ANKRD36: variants seen among roughly 807,000 people sequenced by gnomAD.
ANKRD36 encodes ankyrin repeat domain 36.
ANKRD36 carries 179 observed loss-of-function variants against 278.1 expected under a neutral mutation model. The ratio of observed to expected loss-of-function variants is 0.64; its 90% CI spans 0.57 to 0.73. The LOEUF (loss-of-function observed/expected upper bound fraction) is 0.73, where lower values mean the gene tolerates loss of function less well. Among genes scored for constraint, ANKRD36 ranks in the 30% least tolerant of loss-of-function variants. The pLI is 0.00. For synonymous variants in ANKRD36, 320 were observed against 641.1 expected, an observed-to-expected ratio of 0.50 and a Z score of 7.57; for missense variants, 1,159 against 1,956.7, an observed-to-expected ratio of 0.59 and a Z score of 7.69.
At position 97,124,576 on chromosome 2, in the gene ANKRD36, C is replaced by A; in HGVS notation, c.710C>A (p.Ala237Asp). 1 of 1,552,144 alleles carries A rather than the reference C, an allele frequency of 6.4e-7. No individual in the cohort carries two copies. Among genetic ancestry groups the A allele is most frequent in the Non-Finnish European group, 8.7e-7 (1 of 1,146,938 alleles). ...DAFRKIAGDYAIEAKNRVIFD... is the reference protein window; with the variant it reads ...DAFRKIAGDYDIEAKNRVIFD... ...TTTCGAAAGATTGCAGGAGATTATG[C>A]CATTGAGGCTAAGAATAGAGTGTAA... Residue 237 changes from alanine (A) to aspartate (D), a missense_variant, in exon 5 of 76, where the codon GCC (alanine) becomes GAC (aspartate). By Grantham distance (126) the Ala-to-Asp change is moderately radical (BLOSUM62 -2). Transcript: ENST00000420699.
At position 97,154,345 on chromosome 2, in the gene ANKRD36, AG is replaced by A. The variant is rs1368213838; in HGVS notation, c.1194-327del. Among the ~76,000 whole-genome samples the A allele has an allele frequency of 7.4e-5, 11 of 149,226 alleles. No homozygotes were observed. The South Asian group carries it at 2.3e-3, about 31-fold the overall frequency. On this transcript the variant is annotated intron_variant, in intron 14 of 75. Coordinates refer to ENST00000420699, the MANE Select transcript of ANKRD36 (RefSeq NM_001354587.1). ...CAATTGGATTTTCAGTTTAGTCTTT[AG>A]GGTAGATAATTTATAAGGACAAATT...
intron 6 of ANKRD36, among the ~76,000 whole-genome samples, chr2:97,141,180 T>C (rs888927153): frequency 3.3e-5 from 5 of 151,420 alleles, no homozygotes; most frequent in Non-Finnish European, 7.4e-5. Context: ...TAAAATAATG[T>C]ATATCTTGAG....
intron 11 of ANKRD36, among the ~76,000 whole-genome samples, chr2:97,147,076 T>TAGGC (rs1238960159): frequency 1.3e-5 from 2 of 151,862 alleles, no homozygotes; most frequent in African/African-American, 4.8e-5. Flanking sequence ...TAAGCAAGAC[T>TAGGC]AGGCCAGTCC....
rs573956307 is a variant in ANKRD36 at position 97,215,931 on chromosome 2, T to C, written c.3673+434T>C. The stretch of plus-strand genomic sequence containing the variant: ...ATGAGAACGAACAAGATCACTGAAG[T>C]AGTAATTATTTTCCGCAAGGAAGAG... On this transcript the variant is annotated intron_variant, in intron 62 of 75. Transcript: ENST00000420699. 20 of 366,654 alleles carry C rather than the reference T, an allele frequency of 5.5e-5. 2 individuals are homozygous for C. The South Asian group carries it at 1.0e-3, about 19-fold the overall frequency. 22.7% of individuals were successfully genotyped at this position (366,654 alleles called of 1,614,324 possible). A position where few individuals can be genotyped will look rare whatever the true frequency, so the allele number is the denominator to read the frequency against.
Position 97,202,193 on chromosome 2 carries a change from G to A in ANKRD36, c.2858-9G>A. On this transcript the variant is annotated splice_polypyrimidine_tract_variant and intron_variant, in intron 46 of 75. Coordinates refer to ENST00000420699, the MANE Select transcript of ANKRD36 (RefSeq NM_001354587.1). ...GTATGACTGATTATGAATCCCTTTT[G>A]CTTTTCAGTGTCTTCTCAGAAACCA... The A allele has an allele frequency of 1.2e-6, 2 of 1,609,352 alleles. No individual in the cohort carries two copies. Among genetic ancestry groups the A allele is most frequent in the Non-Finnish European group, 8.5e-7 (1 of 1,178,570 alleles).
intron 36 of ANKRD36, among the ~76,000 whole-genome samples, chr2:97,191,753 A>G (rs2058566818): frequency 6.6e-6 from 1 of 151,678 alleles, no homozygotes; most frequent in Non-Finnish European, 1.5e-5. Context: ...TTCATAAAAC[A>G]TATTTGATTT....
chr2:97,183,849 A>G lies in ANKRD36; in HGVS notation c.1939+195A>G, dbSNP rs2056819235. On this transcript the variant is annotated intron_variant, in intron 28 of 75. Coordinates refer to ENST00000420699, the MANE Select transcript of ANKRD36 (RefSeq NM_001354587.1). Reference sequence around the variant, plus strand: ...GCCATGATCTTAGTAACAAGCTTGTAGAGTTCCCTACATTGAATTTGGATA... The same window carrying G: ...GCCATGATCTTAGTAACAAGCTTGTGGAGTTCCCTACATTGAATTTGGATA... Among the ~76,000 whole-genome samples, 2 of 151,706 alleles carry G rather than the reference A, an allele frequency of 1.3e-5. 1 individual carries two copies. Among genetic ancestry groups the G allele is most frequent in the South Asian group, 4.2e-4 (2 of 4,788 alleles).
At chr2:97,211,438 A>G in intron 56 of ANKRD36, 108 bp from the exon 57 acceptor site, 2 of 1,504,432 alleles carry the variant, frequency 1.3e-6, no homozygotes, top group Non-Finnish European at 1.8e-6. Flanking sequence ...GTCAAGGCCT[A>G]CACTAATACA....
intron 66 of ANKRD36, among the ~76,000 whole-genome samples, chr2:97,224,460 T>A (rs1424074717): frequency 1.3e-5 from 2 of 151,554 alleles, no homozygotes; most frequent in Non-Finnish European, 2.9e-5. Context: ...TTGTTTTTTT[T>A]TTTTTGAGAC....
intron 66 of ANKRD36, among the ~76,000 whole-genome samples, chr2:97,220,729 C>CTTTTTTTTTTT: frequency 3.0e-5 from 2 of 66,522 alleles, no homozygotes; most frequent in African/African-American, 1.3e-4. Flanking sequence ...GATTTTCTTG[C>CTTTTTTTTTTT]TTTTTTTTTT....
intron 38 of ANKRD36, among the ~76,000 whole-genome samples, chr2:97,193,396 C>T (rs1201870179): frequency 7.3e-6 from 1 of 137,118 alleles, no homozygotes; most frequent in Non-Finnish European, 1.6e-5. Flanking sequence ...AGAATTTACA[C>T]ACTTCAGCTC....
At position 97,231,863 on chromosome 2, in the gene ANKRD36, T is replaced by A. The variant is rs1366987560; in HGVS notation, c.3952-1867T>A. 4.6e-5 allele frequency among the ~76,000 whole-genome samples: 7 copies of A among 152,204 alleles called. No individual in the cohort carries two copies. The East Asian group carries it at 1.4e-3, about 30-fold the overall frequency. The stretch of plus-strand genomic sequence containing the variant: ...TAAAGTTTGCCTAATCATTAGTTAG[T>A]AATATTAGGAAAAAGCACTCAAGTG... On this transcript the variant is annotated intron_variant, in intron 67 of 75. Coordinates refer to ENST00000420699, the MANE Select transcript of ANKRD36 (RefSeq NM_001354587.1).
chr2:97,184,848 A>G (rs1039038236), intron 28 of ANKRD36, among the ~76,000 whole-genome samples: 1 of 151,768 alleles, frequency 6.6e-6, no homozygotes, highest in Non-Finnish European at 1.5e-5. Context: ...CATTCATCTG[A>G]AGTGTCATTG....
chr2:97,228,028 T>G (rs1379556374), intron 67 of ANKRD36, among the ~76,000 whole-genome samples: 1 of 152,122 alleles, frequency 6.6e-6, no homozygotes, highest in Non-Finnish European at 1.5e-5. Flanking sequence ...TGCTGCTGGA[T>G]TTGGTTTGCC....
In ANKRD36 at chr2:97,158,703, G is replaced by A. The variant is rs751466017; in HGVS notation, c.1389+48G>A. 5.5e-5 allele frequency: 81 copies of A among 1,483,228 alleles called. No individual in the cohort carries two copies. In the African/African-American group the frequency reaches 8.5e-4, roughly 16 times the overall value. The allele number at this position is 1,483,228 out of a possible 1,614,324, so 91.9% of individuals were successfully genotyped here. A position where few individuals can be genotyped will look rare whatever the true frequency, so the allele number is the denominator to read the frequency against. On this transcript the variant is annotated intron_variant, in intron 17 of 75. Coordinates refer to ENST00000420699, the MANE Select transcript of ANKRD36 (RefSeq NM_001354587.1). ...GCCAACATAGAATAATCAGAGTCCA[G>A]TCCTGTTCACCAACTCACTCTTATC...
intron 32 of ANKRD36, among the ~76,000 whole-genome samples, chr2:97,188,471 T>C (rs546985977): frequency 6.6e-6 from 1 of 151,848 alleles, no homozygotes; most frequent in South Asian, 2.1e-4. Context: ...AACTAGTGGA[T>C]ACAAGATACT....
At chr2:97,155,054 G>T (rs1267909726) in intron 15 of ANKRD36, among the ~76,000 whole-genome samples, 2 of 142,100 alleles carry the variant, frequency 1.4e-5, no homozygotes, top group Admixed American at 7.0e-5. Context: ...ACAAATTTTG[G>T]TCTAGGCTTA....
intron 5 of ANKRD36, 73 bp downstream of exon 5, chr2:97,124,670 A>T (rs1574570631): frequency 6.8e-7 from 1 of 1,464,516 alleles, no homozygotes; most frequent in East Asian, 2.6e-5. Context: ...TGCATCTTAT[A>T]TATCAGGTGA....
At chr2:97,179,820 C>T (rs1474046366) in intron 23 of ANKRD36, 41 bp from the exon 24 acceptor site, 1 of 1,599,940 alleles carries the variant, frequency 6.3e-7, no homozygotes, top group East Asian at 2.2e-5. Flanking sequence ...TCTATGAAAC[C>T]TACTTTACAT....
Sources: gnomAD v4.1 joint callset for allele counts (sites outside exome capture counted in the v4.1 genomes callset) on GRCh38, gnomAD v4.1.1 for gene constraint, MANE v1.5 for transcripts, NCBI Gene and HGNC (gene_info 2026-07-23, HGNC 2026-07-21) for gene names.